The following CCSER1 variants were observed in gnomAD, a reference collection of about 807,000 sequenced individuals.
CCSER1 encodes the protein serine-rich coiled-coil domain-containing protein 1.
Under a neutral mutation model 82.0 loss-of-function variants are expected in CCSER1, and 41 were observed. That is an observed-to-expected ratio of 0.50 (90% CI 0.39 to 0.65). The LOEUF (loss-of-function observed/expected upper bound fraction) is 0.65, where lower values mean the gene tolerates loss of function less well. Among genes scored for constraint, CCSER1 ranks in the 30% least tolerant of loss-of-function variants. The pLI, the probability that CCSER1 is intolerant of heterozygous loss-of-function variation, is 0.00. For missense variants in CCSER1, 1,119 were observed against 1,064.2 expected (o/e 1.05, Z -0.72); for synonymous variants, 414 against 383.9 (o/e 1.08, Z -0.92).
At chr4:91,297,884 A>G (rs1744338286) in intron 10 of CCSER1, among the ~76,000 whole-genome samples, 3 of 152,052 alleles carry the variant, frequency 2.0e-5, no homozygotes, top group African/African-American at 4.8e-5. Context: ...TGTAGCCACA[A>G]TGATGTTAAA....
At chr4:90,613,178 T>G (rs1720573781) in intron 5 of CCSER1, among the ~76,000 whole-genome samples, 1 of 151,378 alleles carries the variant, frequency 6.6e-6, no homozygotes, top group Non-Finnish European at 1.5e-5. Context: ...GCTCACTTCA[T>G]GAAAAAAAGA....
At chr4:90,689,588 AGT>A (rs1209688090) in intron 6 of CCSER1, among the ~76,000 whole-genome samples, 1 of 152,204 alleles carries the variant, frequency 6.6e-6, no homozygotes, top group East Asian at 1.9e-4. Context: ...AATAATTAGT[AGT>A]GTTACCCAAA....
intron 10 of CCSER1, among the ~76,000 whole-genome samples, chr4:91,381,239 C>T (rs1449841698): frequency 2.0e-5 from 3 of 152,082 alleles, no homozygotes; most frequent in Non-Finnish European, 4.4e-5. Flanking sequence ...GGTTGCTCTT[C>T]TCGAGGAGTA....
intron 9 of CCSER1, among the ~76,000 whole-genome samples, chr4:90,951,918 A>G (rs67588872): frequency 0.28 from 42,729 of 151,744 alleles, 6,435 homozygotes; most frequent in African/African-American, 0.33. Flanking sequence ...TTCTCTAGGG[A>G]TTTTCTGAAT....
intron 5 of CCSER1, among the ~76,000 whole-genome samples, chr4:90,545,820 T>A (rs1226801069): frequency 2.6e-5 from 4 of 152,188 alleles, no homozygotes; most frequent in African/African-American, 9.6e-5. Context: ...AAACATAGTT[T>A]CCTTTAAAAC....
intron 9 of CCSER1, among the ~76,000 whole-genome samples, chr4:91,035,191 G>A (rs1412873080): frequency 6.6e-6 from 1 of 152,090 alleles, no homozygotes; most frequent in African/African-American, 2.4e-5. Context: ...GTCATCATTT[G>A]CTAGAATTTG....
intron 10 of CCSER1, among the ~76,000 whole-genome samples, chr4:91,574,655 T>G (rs1328705233): frequency 6.6e-6 from 1 of 152,192 alleles, no homozygotes; most frequent in South Asian, 2.1e-4. Context: ...GAAAACTAAA[T>G]ACCTCATGTT....
chr4:90,852,801 T>C (rs1257555884), intron 8 of CCSER1, among the ~76,000 whole-genome samples: 1 of 152,228 alleles, frequency 6.6e-6, no homozygotes, highest in African/African-American at 2.4e-5. Flanking sequence ...TTGCTTTAAT[T>C]TGACAATGTG....
In CCSER1 at chr4:91,446,670, TAAATAA is replaced by T. The variant is rs1413746893; in HGVS notation, c.2218-151900_2218-151895del. ...ATTTTATACAAATATATATTTTAAATAAATAAATATATATATATATATAATAGTCCT... is the reference window on the plus strand; with the variant it reads ...ATTTTATACAAATATATATTTTAAATATATATATATATATATAATAGTCCT... On this transcript the variant is annotated intron_variant, in intron 10 of 10. Coordinates refer to ENST00000509176, the MANE Select transcript of CCSER1 (RefSeq NM_001145065.2). Among the ~76,000 whole-genome samples the T allele has an allele frequency of 9.6e-5, 10 of 103,754 alleles. No homozygotes were observed. The East Asian group carries it at 1.5e-3, about 15-fold the overall frequency. 68.1% of individuals were successfully genotyped at this position (103,754 alleles called of 152,430 possible).
At chr4:91,416,699 T>G (rs1374237593) in intron 10 of CCSER1, among the ~76,000 whole-genome samples, 1 of 152,120 alleles carries the variant, frequency 6.6e-6, no homozygotes, top group Non-Finnish European at 1.5e-5. Context: ...ATACAAAAAT[T>G]AACTCAAAAT....
intron 1 of CCSER1, among the ~76,000 whole-genome samples, chr4:90,285,305 T>C (rs1371930276): frequency 6.6e-6 from 1 of 152,086 alleles, no homozygotes; most frequent in African/African-American, 2.4e-5. Flanking sequence ...TTTGTGCATA[T>C]CTTCTTCAAT....
At chr4:90,294,090 T>G (rs1364861732) in intron 1 of CCSER1, among the ~76,000 whole-genome samples, 1 of 152,076 alleles carries the variant, frequency 6.6e-6, no homozygotes, top group Non-Finnish European at 1.5e-5. Context: ...AGGCAGGAAA[T>G]AGCTTGCAAT....
At chr4:91,106,522 T>C (rs576104447) in intron 10 of CCSER1, among the ~76,000 whole-genome samples, 3 of 152,320 alleles carry the variant, frequency 2.0e-5, no homozygotes, top group Non-Finnish European at 4.4e-5. Flanking sequence ...TTTTCTACTC[T>C]TTCCCATGGT....
At chr4:91,323,646 A>G (rs984718482) in intron 10 of CCSER1, among the ~76,000 whole-genome samples, 1 of 152,190 alleles carries the variant, frequency 6.6e-6, no homozygotes, top group African/African-American at 2.4e-5. Context: ...GCAAACAAAA[A>G]AGCAGTTTAT....
At chr4:91,294,035 G>A (rs113965159) in intron 10 of CCSER1, among the ~76,000 whole-genome samples, 2,680 of 151,558 alleles carry the variant, frequency 0.018, 84 homozygotes, top group African/African-American at 0.059. Flanking sequence ...TGTTGAGGTC[G>A]CTCATTTATT....
At chr4:91,432,799 C>T (rs528028098) in intron 10 of CCSER1, among the ~76,000 whole-genome samples, 24 of 151,834 alleles carry the variant, frequency 1.6e-4, no homozygotes, top group Non-Finnish European at 3.1e-4. Context: ...CTATATTTCC[C>T]GTTTTAAAAA....
At chr4:90,667,709 A>G (rs1732065179) in intron 6 of CCSER1, among the ~76,000 whole-genome samples, 1 of 152,114 alleles carries the variant, frequency 6.6e-6, no homozygotes, top group Non-Finnish European at 1.5e-5. Flanking sequence ...CCCATGGTGT[A>G]TATGTGCCAC....
Position 91,035,819 on chromosome 4 carries a change from C to A in CCSER1, c.2173-50131C>A, listed in dbSNP as rs186309622. ...ATTTTCAGGTATAGATCACTGATTC[C>A]CAAACTGCTGATTACAACTCACTCC... On this transcript the variant is annotated intron_variant, in intron 9 of 10. Transcript: ENST00000509176. 3.0e-3 allele frequency among the ~76,000 whole-genome samples: 459 copies of A among 152,176 alleles called. 2 individuals are homozygous for A. The highest frequency in any genetic ancestry group is 1.0e-2 in the African/African-American group (415 of 41,514).
At chr4:90,263,649 A>C (rs1724728873) in intron 1 of CCSER1, among the ~76,000 whole-genome samples, 1 of 152,142 alleles carries the variant, frequency 6.6e-6, no homozygotes, top group South Asian at 2.1e-4. Context: ...GACCTCCAAC[A>C]GAGGTGGCGC....
Sources: gnomAD v4.1 joint callset for allele counts (sites outside exome capture counted in the v4.1 genomes callset) on GRCh38, gnomAD v4.1.1 for gene constraint, MANE v1.5 for transcripts, NCBI Gene and HGNC (gene_info 2026-07-23, HGNC 2026-07-21) for gene names.